SGMS2: variants seen among roughly 807,000 people sequenced by gnomAD.
SGMS2 encodes phosphatidylcholine:ceramide cholinephosphotransferase 2.
SGMS2 carries 21 observed loss-of-function variants against 43.8 expected under a neutral mutation model. The ratio of observed to expected loss-of-function variants is 0.48; its 90% CI spans 0.34 to 0.69. The LOEUF is 0.69. Ranked by LOEUF, SGMS2 falls within the 30% of genes least tolerant of loss-of-function variation. The pLI is 0.01. For missense variants in SGMS2, 384 were observed against 443.2 expected (o/e 0.87, Z 1.20); for synonymous variants, 167 against 160.6 (o/e 1.04, Z -0.30).
intron 2 of SGMS2, among the ~76,000 whole-genome samples, chr4:107,888,034 A>G (rs1729892667): frequency 6.6e-6 from 1 of 152,134 alleles, no homozygotes; most frequent in African/African-American, 2.4e-5. Flanking sequence ...TTTGTAGAGA[A>G]ACTGAACTTA....
At chr4:107,833,656 C>T (rs969826763) in intron 1 of SGMS2, among the ~76,000 whole-genome samples, 3 of 152,006 alleles carry the variant, frequency 2.0e-5, no homozygotes, top group Non-Finnish European at 4.4e-5. Flanking sequence ...AAAAAAAAAT[C>T]CAAAAGACTT....
intron 1 of SGMS2, among the ~76,000 whole-genome samples, chr4:107,836,114 T>G (rs531404291): frequency 1.1e-4 from 16 of 152,244 alleles, no homozygotes; most frequent in Non-Finnish European, 1.6e-4. Context: ...TTTTACATTC[T>G]TTTCCAAGCC....
chr4:107,852,696 C>T (rs1323995694), intron 1 of SGMS2, among the ~76,000 whole-genome samples: 7 of 151,924 alleles, frequency 4.6e-5, no homozygotes, highest in Admixed American at 4.6e-4. Flanking sequence ...ATTGTACCTA[C>T]CCACCATGTT....
chr4:107,833,207 C>T (rs886172614), intron 1 of SGMS2, among the ~76,000 whole-genome samples: 21 of 152,154 alleles, frequency 1.4e-4, no homozygotes, highest in Non-Finnish European at 2.4e-4. Context: ...GGCCTCCTGT[C>T]CTAACAGCAT....
intron 2 of SGMS2, among the ~76,000 whole-genome samples, chr4:107,874,728 G>C (rs921275590): frequency 6.6e-6 from 1 of 151,978 alleles, no homozygotes; most frequent in Admixed American, 6.6e-5. Flanking sequence ...TATATTTTAA[G>C]TATCAATATC....
At chr4:107,868,617 C>T (rs1022467359) in intron 2 of SGMS2, among the ~76,000 whole-genome samples, 1 of 152,048 alleles carries the variant, frequency 6.6e-6, no homozygotes, top group Non-Finnish European at 1.5e-5. Context: ...ACTCGGGAGG[C>T]TGAGGCACAA....
upstream of SGMS2, chr4:107,824,680 G>A (rs949199891): frequency 6.6e-6 from 1 of 152,238 alleles, no homozygotes; most frequent in African/African-American, 2.4e-5. Flanking sequence ...CAGCCGCGAG[G>A]GGAGAGTCGG....
intron 2 of SGMS2, among the ~76,000 whole-genome samples, chr4:107,890,126 A>G (rs1315733278): frequency 6.6e-6 from 1 of 152,222 alleles, no homozygotes; most frequent in Non-Finnish European, 1.5e-5. Context: ...TATTTTAGTC[A>G]ATAAATCAGG....
chr4:107,874,484 C>A (rs1270974913), intron 2 of SGMS2, among the ~76,000 whole-genome samples: 1 of 152,050 alleles, frequency 6.6e-6, no homozygotes, highest in African/African-American at 2.4e-5. Context: ...TTCTAAAGAA[C>A]CTTATTTTTC....
chr4:107,899,303 C>T (rs1172878823), intron 3 of SGMS2, among the ~76,000 whole-genome samples: 2 of 152,050 alleles, frequency 1.3e-5, no homozygotes, highest in Non-Finnish European at 2.9e-5. Flanking sequence ...GTTCCCCCAC[C>T]CCACACACAC....
chr4:107,885,718 A>G (rs746933694), intron 2 of SGMS2, among the ~76,000 whole-genome samples: 2 of 152,194 alleles, frequency 1.3e-5, no homozygotes, highest in African/African-American at 2.4e-5. Context: ...TATATATGTG[A>G]AAATAACTAA....
chr4:107,902,043 A>AT (rs1359857854), intron 4 of SGMS2, among the ~76,000 whole-genome samples: 1 of 151,484 alleles, frequency 6.6e-6, no homozygotes, highest in African/African-American at 2.4e-5. Flanking sequence ...AGTAGCTGGG[A>AT]TTACAGGCAT....
chr4:107,877,628 C>G (rs1444607303), intron 2 of SGMS2, among the ~76,000 whole-genome samples: 1 of 152,172 alleles, frequency 6.6e-6, no homozygotes, highest in Admixed American at 6.5e-5. Flanking sequence ...ACGTGTCTAT[C>G]TTGTACGAAA....
In SGMS2 at chr4:107,895,461, T is replaced by A; in HGVS notation, c.-93T>A. On this transcript the variant is annotated 5_prime_UTR_variant, in exon 3 of 7. The change creates a new upstream start codon in the 5' untranslated region. Coordinates refer to ENST00000690982, the MANE Select transcript of SGMS2 (RefSeq NM_001375905.1). ...ACAAAGTCCATTGTAAGAGTCCATG[T>A]TGATCTTGGAAATAGAAGGATTGAA... is the stretch of plus-strand genomic sequence containing the variant. The A allele has an allele frequency of 1.6e-6, 2 of 1,288,580 alleles. No individual in the cohort carries two copies. The highest frequency in any genetic ancestry group is 1.5e-5 in the South Asian group (1 of 68,562). 79.8% of individuals were successfully genotyped at this position (1,288,580 alleles called of 1,614,324 possible). A position where few individuals can be genotyped will look rare whatever the true frequency, so the allele number is the denominator to read the frequency against.
chr4:107,896,535 G>A (rs1052003590), intron 3 of SGMS2, among the ~76,000 whole-genome samples: 3 of 152,116 alleles, frequency 2.0e-5, no homozygotes, highest in Admixed American at 1.3e-4. Context: ...ATGTGGTTTC[G>A]GTTTTTTGTT....
intron 2 of SGMS2, chr4:107,893,194 A>G (rs186737409): frequency 6.6e-5 from 10 of 152,270 alleles, no homozygotes; most frequent in African/African-American, 2.4e-4. Context: ...AAGGTTACTA[A>G]TTGGATTTTC....
chr4:107,910,107 C>G (rs1450104266), intron 6 of SGMS2, among the ~76,000 whole-genome samples: 1 of 152,102 alleles, frequency 6.6e-6, no homozygotes, highest in African/African-American at 2.4e-5. Flanking sequence ...TTCCCAGAGT[C>G]TCCATTCTTA....
intron 1 of SGMS2, among the ~76,000 whole-genome samples, chr4:107,849,301 A>G (rs897629751): frequency 6.6e-6 from 1 of 152,146 alleles, no homozygotes; most frequent in Admixed American, 6.6e-5. Flanking sequence ...GAAATGTTCC[A>G]TAATTTTACA....
chr4:107,878,153 A>G (rs1195800852), intron 2 of SGMS2, among the ~76,000 whole-genome samples: 3 of 152,050 alleles, frequency 2.0e-5, no homozygotes, highest in African/African-American at 7.2e-5. Context: ...TGACCTCACG[A>G]TCCACCCACC....
Sources: allele counts gnomAD v4.1 joint callset (sites outside exome capture counted in the v4.1 genomes callset), GRCh38; gene constraint gnomAD v4.1.1; transcripts MANE v1.5; gene names NCBI Gene and HGNC (gene_info 2026-07-23, HGNC 2026-07-21).